FSTL5: variants seen among roughly 807,000 people sequenced by gnomAD.
The protein encoded by FSTL5 is follistatin-related protein 5.
FSTL5 carries 62 observed loss-of-function variants against 89.1 expected under a neutral mutation model. The ratio of observed to expected loss-of-function variants is 0.70; its 90% CI spans 0.57 to 0.86. The LOEUF (loss-of-function observed/expected upper bound fraction) is 0.86, where lower values mean the gene tolerates loss of function less well. Ranked by LOEUF, FSTL5 falls within the 40% of genes least tolerant of loss-of-function variation. The pLI, the probability that FSTL5 is intolerant of heterozygous loss-of-function variation, is 0.00. For missense variants in FSTL5, 1,057 were observed against 1,001.6 expected (o/e 1.06, Z -0.75); for synonymous variants, 383 against 346.2 (o/e 1.11, Z -1.18).
chr4:162,027,711 T>C (rs919133013), intron 3 of FSTL5, among the ~76,000 whole-genome samples: 2 of 152,124 alleles, frequency 1.3e-5, no homozygotes, highest in Admixed American at 6.6e-5. Flanking sequence ...TGCATTTGTA[T>C]TGTTAAGTCA....
At position 161,933,859 on chromosome 4, in the gene FSTL5, CAT is replaced by C. The variant is rs145142818; in HGVS notation, c.161-13209_161-13208del. ...CTGATTTTTAAATTATTATTTACCA[CAT>C]ATGTTTGCTTACATTGAAAACAGCA... On this transcript the variant is annotated intron_variant, in intron 3 of 15. Transcript: ENST00000306100. Among the ~76,000 whole-genome samples, 1,980 of 152,062 alleles carry C rather than the reference CAT, an allele frequency of 0.013. 124 individuals are homozygous for C. The East Asian group carries it at 0.2, about 16-fold the overall frequency.
intron 4 of FSTL5, among the ~76,000 whole-genome samples, chr4:161,919,515 C>A (rs1579193507): frequency 6.6e-6 from 1 of 152,078 alleles, no homozygotes; most frequent in Admixed American, 6.5e-5. Flanking sequence ...TATTTTTCAG[C>A]CATAAATTTA....
chr4:161,396,522 C>T (rs1731005533), intron 15 of FSTL5, among the ~76,000 whole-genome samples: 1 of 150,376 alleles, frequency 6.6e-6, no homozygotes, highest in Admixed American at 6.6e-5. Flanking sequence ...GACGTGGTGG[C>T]ATGTGCCTGT....
chr4:161,438,714 G>T (rs1732657426), intron 15 of FSTL5, among the ~76,000 whole-genome samples: 1 of 151,906 alleles, frequency 6.6e-6, no homozygotes, highest in Non-Finnish European at 1.5e-5. Flanking sequence ...AAATTAAATT[G>T]ATGAATCAAA....
chr4:162,042,492 T>C (rs1432241914), intron 2 of FSTL5, among the ~76,000 whole-genome samples: 3 of 152,054 alleles, frequency 2.0e-5, no homozygotes, highest in African/African-American at 7.2e-5. Flanking sequence ...ACAGACTGGG[T>C]TAAGGAATTA....
At chr4:161,690,220 C>T (rs548685971) in intron 6 of FSTL5, among the ~76,000 whole-genome samples, 1 of 152,270 alleles carries the variant, frequency 6.6e-6, no homozygotes, top group East Asian at 1.9e-4. Context: ...ACATTTTACT[C>T]TACCAATAGC....
intron 3 of FSTL5, among the ~76,000 whole-genome samples, chr4:162,014,606 T>C (rs1736863344): frequency 6.6e-6 from 1 of 152,208 alleles, no homozygotes; most frequent in African/African-American, 2.4e-5. Context: ...GAAAGGCAGA[T>C]GGGCTGATGG....
intron 4 of FSTL5, among the ~76,000 whole-genome samples, chr4:161,919,683 A>T (rs1308862033): frequency 1.3e-5 from 2 of 152,208 alleles, no homozygotes; most frequent in Non-Finnish European, 2.9e-5. Context: ...CTGAGTCATG[A>T]CTATAAACGA....
At chr4:161,661,439 C>T (rs563228578) in intron 6 of FSTL5, among the ~76,000 whole-genome samples, 1 of 151,774 alleles carries the variant, frequency 6.6e-6, no homozygotes, top group Non-Finnish European at 1.5e-5. Flanking sequence ...AAAGAAATTG[C>T]TAATTAAATG....
intron 3 of FSTL5, among the ~76,000 whole-genome samples, chr4:162,021,358 A>G (rs1306273146): frequency 1.3e-5 from 2 of 152,334 alleles, no homozygotes; most frequent in East Asian, 3.9e-4. Context: ...TCAAGCGTTT[A>G]TTAACAGCAC....
chr4:161,779,785 A>ATGTG lies in FSTL5; in HGVS notation c.410-3712_410-3711insCACA, dbSNP rs1411691003. ...TATATATATATATATGTATATATAT[A>ATGTG]TATATATATATATATATATATATAT... On this transcript the variant is annotated intron_variant, in intron 4 of 15. Coordinates refer to ENST00000306100, the MANE Select transcript of FSTL5 (RefSeq NM_020116.5). 1.4e-4 allele frequency among the ~76,000 whole-genome samples: 6 copies of ATGTG among 44,284 alleles called. 1 individual carries two copies. In the South Asian group the frequency reaches 4.2e-3, roughly 31 times the overall value. The allele number at this position is 44,284 out of a possible 152,430, so 29.1% of individuals were successfully genotyped here.
chr4:161,875,570 G>A (rs1407354658), intron 4 of FSTL5, among the ~76,000 whole-genome samples: 2 of 152,094 alleles, frequency 1.3e-5, no homozygotes, highest in Non-Finnish European at 2.9e-5. Flanking sequence ...TTCTGTATCC[G>A]GGCCCTTGAG....
chr4:161,839,460 C>T (rs1307140848), intron 4 of FSTL5, among the ~76,000 whole-genome samples: 2 of 152,008 alleles, frequency 1.3e-5, no homozygotes, highest in Non-Finnish European at 2.9e-5. Flanking sequence ...AATGAATAAA[C>T]AAATTGTGGT....
chr4:161,912,089 C>T (rs1733709420), intron 4 of FSTL5, among the ~76,000 whole-genome samples: 1 of 152,094 alleles, frequency 6.6e-6, no homozygotes, highest in African/African-American at 2.4e-5. Flanking sequence ...AACATTTTAT[C>T]CTCAATTACA....
At chr4:162,111,575 A>T (rs766803966) in intron 1 of FSTL5, among the ~76,000 whole-genome samples, 163 bp from the exon 2 acceptor site, 7 of 152,166 alleles carry the variant, frequency 4.6e-5, no homozygotes, top group African/African-American at 1.7e-4. Context: ...AATACGGATT[A>T]TTCCTTTGAT....
At chr4:161,694,179 AAAGTT>A (rs1167446715) in intron 6 of FSTL5, among the ~76,000 whole-genome samples, 1 of 152,150 alleles carries the variant, frequency 6.6e-6, no homozygotes, top group Non-Finnish European at 1.5e-5. Context: ...CTTAAGGTGT[AAAGTT>A]AAGTAATTGA....
chr4:162,114,844 A>T (rs183120131), intron 1 of FSTL5, among the ~76,000 whole-genome samples: 167 of 152,282 alleles, frequency 1.1e-3, no homozygotes, highest in Non-Finnish European at 2.0e-3. Flanking sequence ...TACATCTCTT[A>T]TATGATTAAT....
rs182061297 is a variant in FSTL5, at chr4:162,019,484, G to A, written c.160+14141C>T. On this transcript the variant is annotated intron_variant, in intron 3 of 15. Coordinates refer to ENST00000306100, the MANE Select transcript of FSTL5 (RefSeq NM_020116.5). Reference sequence around the variant, plus strand: ...TATTATTTATACATAGAACATGGTGGAATGTAATTAATTTTGATTAAAAAA... The same window carrying A: ...TATTATTTATACATAGAACATGGTGAAATGTAATTAATTTTGATTAAAAAA... 1.3e-4 allele frequency among the ~76,000 whole-genome samples: 19 copies of A among 151,936 alleles called. No individual in the cohort carries two copies. In the East Asian group the frequency reaches 3.7e-3, roughly 29 times the overall value.
At chr4:161,926,239 C>T (rs370889853) in intron 3 of FSTL5, among the ~76,000 whole-genome samples, 90 of 151,926 alleles carry the variant, frequency 5.9e-4, no homozygotes, top group African/African-American at 2.1e-3. Flanking sequence ...GGCTGCCTGA[C>T]TAAAAGTTTG....
Sources: allele counts gnomAD v4.1 joint callset (sites outside exome capture counted in the v4.1 genomes callset), GRCh38; gene constraint gnomAD v4.1.1; transcripts MANE v1.5; gene names NCBI Gene and HGNC (gene_info 2026-07-23, HGNC 2026-07-21).